Variants in SMAD6 observed in about 807,000 individuals in gnomAD.
SMAD6 encodes the protein SMAD family member 6, also known as MAD homolog 6.
Under a neutral mutation model 39.4 loss-of-function variants are expected in SMAD6, and 103 were observed. The observed-to-expected ratio is 2.62, with a 90% CI of 2.23 to 3.08. SMAD6 has a LOEUF of 3.08. Among genes scored for constraint, SMAD6 ranks in the 30% most tolerant of loss-of-function variants. The probability of loss-of-function intolerance (pLI) is 0.00; values close to 1 mark genes in which losing one functional copy is unlikely to be tolerated. For synonymous variants in SMAD6, 445 were observed against 353.3 expected, an observed-to-expected ratio of 1.26 and a Z score of -2.91; for missense variants, 1,104 against 742.9, an observed-to-expected ratio of 1.49 and a Z score of -5.65.
At chr15:66,749,041 G>C (rs1318278104) in intron 3 of SMAD6, among the ~76,000 whole-genome samples, 4 of 152,200 alleles carry the variant, frequency 2.6e-5, no homozygotes, top group African/African-American at 9.7e-5. Flanking sequence ...TTACCAGAGT[G>C]GGCTGGGTGT....
chr15:66,741,367 G>A (rs78138938), intron 3 of SMAD6, among the ~76,000 whole-genome samples: 1 of 152,166 alleles, frequency 6.6e-6, no homozygotes, highest in African/African-American at 2.4e-5. Flanking sequence ...GTGGATTGCC[G>A]AGGGGCTTCG....
intron 3 of SMAD6, among the ~76,000 whole-genome samples, chr15:66,743,598 A>ATTTTTAAAT (rs1210663955): frequency 4.0e-5 from 6 of 151,732 alleles, no homozygotes; most frequent in Non-Finnish European, 8.8e-5. Flanking sequence ...AAAAAGCAGT[A>ATTTTTAAAT]CGTGATTCAT....
At chr15:66,748,322 G>A (rs2140644388) in intron 3 of SMAD6, among the ~76,000 whole-genome samples, 1 of 152,154 alleles carries the variant, frequency 6.6e-6, no homozygotes, top group South Asian at 2.1e-4. Flanking sequence ...CAGAATTGTG[G>A]AAAATATAAT....
chr15:66,749,733 T>C (rs934222830), intron 3 of SMAD6, among the ~76,000 whole-genome samples: 4 of 152,222 alleles, frequency 2.6e-5, no homozygotes, highest in Non-Finnish European at 5.9e-5. Context: ...GCTCAATGCA[T>C]GGTGGAAGGT....
chr15:66,736,610 A>G (rs998950990), intron 3 of SMAD6, among the ~76,000 whole-genome samples: 2 of 151,160 alleles, frequency 1.3e-5, no homozygotes, highest in Admixed American at 6.6e-5. Context: ...CCTGGGCTCC[A>G]CCCCAGACCA....
chr15:66,722,769 GA>G (rs1040998313), intron 3 of SMAD6, among the ~76,000 whole-genome samples: 11 of 152,170 alleles, frequency 7.2e-5, no homozygotes, highest in African/African-American at 2.7e-4. Flanking sequence ...GTAGAGGTGT[GA>G]GGGGGGGTCG....
chr15:66,771,293 T>C (rs1894375674), intron 3 of SMAD6, among the ~76,000 whole-genome samples: 1 of 152,118 alleles, frequency 6.6e-6, no homozygotes, highest in South Asian at 2.1e-4. Context: ...CCTGGGTGAA[T>C]AAAAAGCTTG....
At position 66,782,207 on chromosome 15, in the gene SMAD6, G is replaced by A. The variant is rs2140683501; in HGVS notation, c.*672G>A. The stretch of plus-strand genomic sequence containing the variant: ...CCTGCCCATGGCTATGGGGTGTCCA[G>A]TGGATAGGGATGGCGGTGGGGAAAA... On this transcript the variant is annotated 3_prime_UTR_variant, in exon 4 of 4. Coordinates refer to ENST00000288840, the MANE Select transcript of SMAD6 (RefSeq NM_005585.5). 6.8e-6 allele frequency: 2 copies of A among 295,898 alleles called. No homozygotes were observed. Among genetic ancestry groups the A allele is most frequent in the Admixed American group, 1.3e-4 (2 of 15,814 alleles). The allele number at this position is 295,898 out of a possible 1,614,324, so 18.3% of individuals were successfully genotyped here. A position where few individuals can be genotyped will look rare whatever the true frequency, so the allele number is the denominator to read the frequency against.
intron 3 of SMAD6, among the ~76,000 whole-genome samples, chr15:66,751,242 T>C (rs536066174): frequency 1.3e-5 from 2 of 152,312 alleles, no homozygotes; most frequent in Non-Finnish European, 1.5e-5. Context: ...CTGCAGGCTT[T>C]ACCTCCTACT....
intron 2 of SMAD6, 62 bp from the exon 3 acceptor site, chr15:66,716,359 A>G: frequency 1.7e-6 from 2 of 1,184,984 alleles, no homozygotes; most frequent in South Asian, 1.2e-5. Context: ...TGCATGAGAA[A>G]GAAGAAAAAA....
At chr15:66,765,992 G>A (rs775029412) in intron 3 of SMAD6, among the ~76,000 whole-genome samples, 25 of 152,202 alleles carry the variant, frequency 1.6e-4, no homozygotes, top group African/African-American at 5.3e-4. Context: ...CCAGCCAGAC[G>A]GAGCTGAGAG....
At chr15:66,753,648 G>A (rs1012681159) in intron 3 of SMAD6, among the ~76,000 whole-genome samples, 4 of 152,180 alleles carry the variant, frequency 2.6e-5, no homozygotes, top group Non-Finnish European at 5.9e-5. Context: ...ATGGTAGGAG[G>A]GCCAACGGGA....
chr15:66,724,695 C>T (rs1893491233), intron 3 of SMAD6, among the ~76,000 whole-genome samples: 1 of 152,112 alleles, frequency 6.6e-6, no homozygotes, highest in Non-Finnish European at 1.5e-5. Flanking sequence ...CTTCTGTGTC[C>T]CTGGGTACCT....
At chr15:66,717,102 G>T in intron 3 of SMAD6, 1 of 1,288,982 alleles carries the variant, frequency 7.8e-7, no homozygotes, top group Non-Finnish European at 1.0e-6. Context: ...CCTACATCCG[G>T]AGGAATACCT....
At chr15:66,729,984 C>G (rs897701586) in intron 3 of SMAD6, among the ~76,000 whole-genome samples, 5 of 152,128 alleles carry the variant, frequency 3.3e-5, no homozygotes, top group Admixed American at 3.3e-4. Flanking sequence ...GCCAGACAAA[C>G]TCAAATTCAG....
chr15:66,746,139 A>C (rs1215763313), intron 3 of SMAD6, among the ~76,000 whole-genome samples: 1 of 152,148 alleles, frequency 6.6e-6, no homozygotes, highest in East Asian at 1.9e-4. Context: ...CCCCTTCTGG[A>C]GCTTCCCCAA....
intron 3 of SMAD6, among the ~76,000 whole-genome samples, chr15:66,750,575 T>A (rs1323366598): frequency 6.6e-6 from 1 of 152,034 alleles, no homozygotes; most frequent in Non-Finnish European, 1.5e-5. Flanking sequence ...CAAGGGGCAG[T>A]TTTCCCAGGA....
At chr15:66,759,568 G>T (rs1318922538) in intron 3 of SMAD6, among the ~76,000 whole-genome samples, 3 of 152,184 alleles carry the variant, frequency 2.0e-5, no homozygotes, top group African/African-American at 7.2e-5. Flanking sequence ...CAGTAAACTT[G>T]ATGATCTACA....
chr15:66,740,497 T>G (rs1595781059), intron 3 of SMAD6: 1 of 152,208 alleles, frequency 6.6e-6, no homozygotes, highest in East Asian at 1.9e-4. Flanking sequence ...ACTTTGCCAT[T>G]CACTAGCTGT....
Sources: allele counts gnomAD v4.1 joint callset (sites outside exome capture counted in the v4.1 genomes callset), GRCh38; gene constraint gnomAD v4.1.1; transcripts MANE v1.5; gene names NCBI Gene and HGNC (gene_info 2026-07-23, HGNC 2026-07-21).